The following ITGA9 variants were observed in gnomAD, a reference collection of about 807,000 sequenced individuals.
The protein encoded by ITGA9 is integrin subunit alpha 9, also known as integrin alpha-9.
ITGA9 carries 56 observed loss-of-function variants against 127.8 expected under a neutral mutation model. That is an observed-to-expected ratio of 0.44 (90% CI 0.35 to 0.55). The LOEUF (loss-of-function observed/expected upper bound fraction) is 0.55, where lower values mean the gene tolerates loss of function less well. Among genes scored for constraint, ITGA9 ranks in the 20% least tolerant of loss-of-function variants. The probability of loss-of-function intolerance (pLI) is 0.00; values close to 1 mark genes in which losing one functional copy is unlikely to be tolerated. For synonymous variants in ITGA9, 508 were observed against 514.5 expected (o/e 0.99, Z 0.17); for missense variants, 1,196 against 1,347.1 (o/e 0.89, Z 1.76).
At chr3:37,526,285 T>C (rs1699092149) in intron 13 of ITGA9, among the ~76,000 whole-genome samples, 1 of 152,106 alleles carries the variant, frequency 6.6e-6, no homozygotes. Flanking sequence ...GATGATAACA[T>C]CCTGGGAGCT....
chr3:37,585,941 T>G lies in ITGA9; in HGVS notation c.1690-43246T>G, dbSNP rs535133583. Among the ~76,000 whole-genome samples, 6 of 152,338 alleles carry G rather than the reference T, an allele frequency of 3.9e-5. No individual in the cohort carries two copies. The East Asian group carries it at 1.2e-3, about 29-fold the overall frequency. On this transcript the variant is annotated intron_variant, in intron 15 of 27. Coordinates refer to ENST00000264741, the MANE Select transcript of ITGA9 (RefSeq NM_002207.3). ...CCTGGGAATCTGTTTTCAACGTGTA[T>G]CCTGAGTCATATTTGGGAAGCACTG...
At chr3:37,617,431 A>G (rs1700085356) in intron 15 of ITGA9, among the ~76,000 whole-genome samples, 2 of 152,060 alleles carry the variant, frequency 1.3e-5, no homozygotes, top group African/African-American at 4.8e-5. Context: ...GAATCTGACA[A>G]TTATGTGTCT....
At chr3:37,714,490 A>G (rs1701112930) in intron 18 of ITGA9, among the ~76,000 whole-genome samples, 1 of 152,206 alleles carries the variant, frequency 6.6e-6, no homozygotes, top group Non-Finnish European at 1.5e-5. Flanking sequence ...TCCCCTGCTC[A>G]GAAGGGGCTC....
intron 4 of ITGA9, among the ~76,000 whole-genome samples, chr3:37,485,365 A>G (rs61013202): frequency 6.6e-6 from 1 of 151,856 alleles, no homozygotes; most frequent in Non-Finnish European, 1.5e-5. Context: ...TTCTTGTGGG[A>G]TGGTGGAAAG....
In ITGA9 at chr3:37,504,398, A is replaced by T. The variant is rs72867540; in HGVS notation, c.742+1091A>T. On this transcript the variant is annotated intron_variant, in intron 6 of 27. Coordinates refer to ENST00000264741, the MANE Select transcript of ITGA9 (RefSeq NM_002207.3). ...GGCTCCTAAGTAGCAAAATTAGGGT[A>T]TGAGCTTGTGGTTTCTGAGTGCAGA... Among the ~76,000 whole-genome samples, 81 of 152,274 alleles carry T rather than the reference A, an allele frequency of 5.3e-4. 2 individuals are homozygous for T. In the South Asian group the frequency reaches 0.017, roughly 31 times the overall value.
chr3:37,710,845 C>T (rs902827862), intron 18 of ITGA9, among the ~76,000 whole-genome samples: 3 of 152,346 alleles, frequency 2.0e-5, no homozygotes, highest in South Asian at 4.1e-4. Flanking sequence ...GCTGAGGGAG[C>T]GCTTCTCTTT....
chr3:37,623,705 G>A (rs895337676), intron 15 of ITGA9, among the ~76,000 whole-genome samples: 1 of 152,040 alleles, frequency 6.6e-6, no homozygotes, highest in Non-Finnish European at 1.5e-5. Context: ...GTGTGTGTGT[G>A]TGTGTGTGTG....
chr3:37,619,374 G>A (rs74700791), intron 15 of ITGA9, among the ~76,000 whole-genome samples: 1,842 of 152,286 alleles, frequency 0.012, 33 homozygotes, highest in African/African-American at 0.041. Context: ...CTGAGATGGG[G>A]ATTTTTGCCA....
chr3:37,790,201 T>C, intron 26 of ITGA9: 1 of 566,854 alleles, frequency 1.8e-6, no homozygotes, highest in Admixed American at 1.9e-5. Context: ...TTCAGCAGCT[T>C]TTACCTGCGC....
Position 37,526,416 on chromosome 3 carries a change from T to C in ITGA9, c.1373+345T>C, listed in dbSNP as rs529658677. 3.9e-3 allele frequency among the ~76,000 whole-genome samples: 597 copies of C among 152,312 alleles called. 2 individuals carry two copies. The highest frequency in any genetic ancestry group is 0.01 in the Admixed American group (160 of 15,294). On this transcript the variant is annotated intron_variant, in intron 13 of 27. Transcript: ENST00000264741. ...GCCAAGAACCTTCCATAATGTGCCA[T>C]AAAAATATTTTATAATTTCCTGCGG...
intron 15 of ITGA9, among the ~76,000 whole-genome samples, chr3:37,604,492 C>G (rs534833750): frequency 6.6e-6 from 1 of 152,290 alleles, no homozygotes; most frequent in South Asian, 2.1e-4. Context: ...TAGCAGAAAA[C>G]AAGTTCCTTG....
chr3:37,582,278 T>G (rs553858376), intron 15 of ITGA9, among the ~76,000 whole-genome samples: 1 of 152,314 alleles, frequency 6.6e-6, no homozygotes, highest in Non-Finnish European at 1.5e-5. Flanking sequence ...AATCTAAAAA[T>G]AGCAGTTGAA....
intron 27 of ITGA9, among the ~76,000 whole-genome samples, chr3:37,812,734 AG>A (rs545950182): frequency 3.4e-5 from 5 of 145,128 alleles, no homozygotes; most frequent in Non-Finnish European, 7.4e-5. Flanking sequence ...CACCTCCTCT[AG>A]GGTTTCTATG....
At chr3:37,494,431 C>G in intron 4 of ITGA9, 70 bp from the exon 5 acceptor site, 2 of 1,157,844 alleles carry the variant, frequency 1.7e-6, no homozygotes, top group Non-Finnish European at 2.6e-6. Flanking sequence ...GCTGGCTCTG[C>G]TGGCTCCACG....
At chr3:37,734,592 G>A (rs942385734) in intron 19 of ITGA9, among the ~76,000 whole-genome samples, 1 of 151,962 alleles carries the variant, frequency 6.6e-6, no homozygotes, top group African/African-American at 2.4e-5. Flanking sequence ...CAGGTTCAAG[G>A]GATTCTCCTG....
At chr3:37,507,820 T>G (rs985131227) in intron 7 of ITGA9, among the ~76,000 whole-genome samples, 1 of 152,188 alleles carries the variant, frequency 6.6e-6, no homozygotes, top group African/African-American at 2.4e-5. Context: ...TGGCAGTTCC[T>G]TATCTCATGG....
At chr3:37,813,447 A>T (rs965882716) in intron 27 of ITGA9, among the ~76,000 whole-genome samples, 2 of 152,168 alleles carry the variant, frequency 1.3e-5, no homozygotes, top group African/African-American at 2.4e-5. Flanking sequence ...TCTTTACTTA[A>T]GGGGATGACA....
intron 4 of ITGA9, among the ~76,000 whole-genome samples, chr3:37,488,110 A>C (rs1698629321): frequency 1.3e-5 from 2 of 151,990 alleles, no homozygotes; most frequent in Non-Finnish European, 2.9e-5. Flanking sequence ...GAGTCTTTTT[A>C]TTTTTATTTT....
chr3:37,711,349 A>G (rs1169835033), intron 18 of ITGA9, among the ~76,000 whole-genome samples: 1 of 152,216 alleles, frequency 6.6e-6, no homozygotes, highest in Non-Finnish European at 1.5e-5. Flanking sequence ...CAGGAGAGCA[A>G]GAACTGGGCA....
Sources: allele counts gnomAD v4.1 joint callset (sites outside exome capture counted in the v4.1 genomes callset), GRCh38; gene constraint gnomAD v4.1.1; transcripts MANE v1.5; gene names NCBI Gene and HGNC (gene_info 2026-07-23, HGNC 2026-07-21).